Variants in GFOD1 observed in about 807,000 individuals in gnomAD.
GFOD1 encodes the protein Gfo/Idh/MocA-like oxidoreductase domain containing 1, also known as glucose-fructose oxidoreductase domain-containing protein 1.
Under a neutral mutation model 25.4 loss-of-function variants are expected in GFOD1, and 9 were observed. That is an observed-to-expected ratio of 0.35 (90% CI 0.21 to 0.62). The LOEUF is 0.62. Among genes scored for constraint, GFOD1 ranks in the 20% least tolerant of loss-of-function variants. The pLI is 0.72. For synonymous variants in GFOD1, 253 were observed against 245.6 expected (o/e 1.03, Z -0.28); for missense variants, 403 against 556.9 (o/e 0.72, Z 2.78).
At chr6:13,384,809 G>C (rs1785432712) in intron 1 of GFOD1, among the ~76,000 whole-genome samples, 1 of 152,168 alleles carries the variant, frequency 6.6e-6, no homozygotes, top group Admixed American at 6.5e-5. Context: ...GCCTCTTAAA[G>C]GGCTTTTGCG....
At chr6:13,414,126 C>T (rs926031714) in intron 1 of GFOD1, among the ~76,000 whole-genome samples, 2 of 152,234 alleles carry the variant, frequency 1.3e-5, no homozygotes, top group Non-Finnish European at 2.9e-5. Flanking sequence ...CAGAGACTAT[C>T]GTGTTCCCCA....
At chr6:13,446,709 G>A (rs1007949667) in intron 1 of GFOD1, among the ~76,000 whole-genome samples, 8 of 152,224 alleles carry the variant, frequency 5.3e-5, no homozygotes, top group African/African-American at 1.9e-4. Context: ...AGCAAGGGGA[G>A]CCTTGCATGG....
In GFOD1 at chr6:13,437,070, T is replaced by A. The variant is rs147162780; in HGVS notation, c.253+49568A>T. On this transcript the variant is annotated intron_variant, in intron 1 of 1. Coordinates refer to ENST00000379287, the MANE Select transcript of GFOD1 (RefSeq NM_018988.4). ...CCTAAAACCACTTTCAGAGGGAAAG[T>A]GTGAGTAAGGTATGAGAAAAAGGGA... Among the ~76,000 whole-genome samples the A allele has an allele frequency of 2.9e-3, 439 of 152,162 alleles. 7 individuals are homozygous for A. The highest frequency in any genetic ancestry group is 1.0e-2 in the African/African-American group (414 of 41,510).
At position 13,410,460 on chromosome 6, in the gene GFOD1, G is replaced by A. The variant is rs998585164; in HGVS notation, c.254-44798C>T. Among the ~76,000 whole-genome samples the A allele has an allele frequency of 3.9e-5, 6 of 151,962 alleles. No individual in the cohort carries two copies. The East Asian group carries it at 7.8e-4, about 20-fold the overall frequency. ...TGCATGCCTGTAATCGCAGCTACTCGGGAGGTTGAGGCAAAAGAATTGCTT... is the reference window on the plus strand; with the variant it reads ...TGCATGCCTGTAATCGCAGCTACTCAGGAGGTTGAGGCAAAAGAATTGCTT... On this transcript the variant is annotated intron_variant, in intron 1 of 1. Transcript: ENST00000379287.
intron 1 of GFOD1, among the ~76,000 whole-genome samples, chr6:13,378,397 G>A (rs1785296305): frequency 6.6e-6 from 1 of 152,208 alleles, no homozygotes; most frequent in Non-Finnish European, 1.5e-5. Flanking sequence ...ATCAATGAAA[G>A]GAGGGCAGAG....
At chr6:13,457,321 T>C (rs1385330097) in intron 1 of GFOD1, among the ~76,000 whole-genome samples, 2 of 152,148 alleles carry the variant, frequency 1.3e-5, no homozygotes, top group Non-Finnish European at 2.9e-5. Flanking sequence ...GCCCTCTAGA[T>C]AACAGGCACT....
chr6:13,449,194 G>T (rs1294853156), intron 1 of GFOD1, among the ~76,000 whole-genome samples: 4 of 152,342 alleles, frequency 2.6e-5, no homozygotes, highest in Admixed American at 6.5e-5. Context: ...GGGAGGCTGA[G>T]GTAGGAGGAT....
chr6:13,450,277 A>G (rs1357724930), intron 1 of GFOD1, among the ~76,000 whole-genome samples: 1 of 152,220 alleles, frequency 6.6e-6, no homozygotes, highest in Non-Finnish European at 1.5e-5. Flanking sequence ...TCCTTTTAGC[A>G]CAGGCAGAGG....
intron 1 of GFOD1, among the ~76,000 whole-genome samples, chr6:13,429,318 A>G (rs920724647): frequency 1.3e-5 from 2 of 152,252 alleles, no homozygotes; most frequent in Non-Finnish European, 2.9e-5. Context: ...CCCAACGTGA[A>G]ATAATGGCTG....
chr6:13,378,975 G>C (rs1174706856), intron 1 of GFOD1, among the ~76,000 whole-genome samples: 1 of 152,050 alleles, frequency 6.6e-6, no homozygotes, highest in Admixed American at 6.6e-5. Context: ...GCCTAACAGA[G>C]GCAATAAACC....
intron 1 of GFOD1, among the ~76,000 whole-genome samples, chr6:13,451,814 G>C (rs1758103793): frequency 6.6e-6 from 1 of 152,188 alleles, no homozygotes; most frequent in Non-Finnish European, 1.5e-5. Context: ...ACGGGAGTGA[G>C]GGTTTCCACT....
At chr6:13,370,447 G>T (rs1785127813) in intron 1 of GFOD1, among the ~76,000 whole-genome samples, 1 of 152,004 alleles carries the variant, frequency 6.6e-6, no homozygotes, top group South Asian at 2.1e-4. Context: ...AGTTCCAAAA[G>T]GAACCCAAAA....
At chr6:13,472,196 T>A (rs967364728) in intron 1 of GFOD1, among the ~76,000 whole-genome samples, 3 of 152,166 alleles carry the variant, frequency 2.0e-5, no homozygotes, top group Non-Finnish European at 4.4e-5. Context: ...CCACAACACA[T>A]GGGAATTCTG....
intron 1 of GFOD1, among the ~76,000 whole-genome samples, chr6:13,400,384 C>A (rs114601068): frequency 1.3e-5 from 2 of 152,294 alleles, no homozygotes; most frequent in Non-Finnish European, 2.9e-5. Context: ...CAAGATCCCA[C>A]TCCAGCTCCT....
At chr6:13,445,037 TAC>T (rs1005029922) in intron 1 of GFOD1, among the ~76,000 whole-genome samples, 1 of 152,204 alleles carries the variant, frequency 6.6e-6, no homozygotes, top group Non-Finnish European at 1.5e-5. Flanking sequence ...AGAATACAAA[TAC>T]CAGTCTGGCA....
chr6:13,433,353 A>G (rs1473228890), intron 1 of GFOD1, among the ~76,000 whole-genome samples: 1 of 152,172 alleles, frequency 6.6e-6, no homozygotes, highest in African/African-American at 2.4e-5. Context: ...TCTTGACCTC[A>G]GATCATCTAC....
chr6:13,468,077 T>C lies in GFOD1; in HGVS notation c.253+18561A>G, dbSNP rs149738318. The stretch of plus-strand genomic sequence containing the variant: ...TCTTTTGAAAAATATATTTTTTCAT[T>C]ATGATATTTTTTTAAAACAAGAAAT... On this transcript the variant is annotated intron_variant, in intron 1 of 1. Coordinates refer to ENST00000379287, the MANE Select transcript of GFOD1 (RefSeq NM_018988.4). 7.1e-4 allele frequency among the ~76,000 whole-genome samples: 108 copies of C among 152,324 alleles called. 1 individual carries two copies. Among genetic ancestry groups the C allele is most frequent in the African/African-American group, 2.4e-3 (99 of 41,578 alleles).
intron 1 of GFOD1, among the ~76,000 whole-genome samples, chr6:13,424,668 G>A (rs1786321124): frequency 6.6e-6 from 1 of 152,102 alleles, no homozygotes; most frequent in Non-Finnish European, 1.5e-5. Flanking sequence ...ATAGAATATA[G>A]AAAGAAATGC....
At chr6:13,391,374 T>TG (rs1785605538) in intron 1 of GFOD1, among the ~76,000 whole-genome samples, 1 of 151,962 alleles carries the variant, frequency 6.6e-6, no homozygotes, top group Admixed American at 6.6e-5. Flanking sequence ...GGTGGGCGCC[T>TG]GTAATCCCAG....
Sources: allele counts gnomAD v4.1 joint callset (sites outside exome capture counted in the v4.1 genomes callset), GRCh38; gene constraint gnomAD v4.1.1; transcripts MANE v1.5; gene names NCBI Gene and HGNC (gene_info 2026-07-23, HGNC 2026-07-21).